Variants in GULP1 observed in about 807,000 individuals in gnomAD.
GULP1 encodes GULP PTB domain containing engulfment adaptor 1.
GULP1 carries 19 observed loss-of-function variants against 40.9 expected under a neutral mutation model. The ratio of observed to expected loss-of-function variants is 0.46; its 90% confidence interval spans 0.32 to 0.68. GULP1 has a LOEUF of 0.68. Ranked by LOEUF, GULP1 falls within the 30% of genes least tolerant of loss-of-function variation. The pLI, the probability that GULP1 is intolerant of heterozygous loss-of-function variation, is 0.03. For missense variants in GULP1, 312 were observed against 362.2 expected (o/e 0.86, Z 1.12); for synonymous variants, 119 against 117.6 (o/e 1.01, Z -0.08).
At chr2:188,332,556 C>A (rs200346591) in intron 1 of GULP1, among the ~76,000 whole-genome samples, 1 of 152,060 alleles carries the variant, frequency 6.6e-6, no homozygotes, top group East Asian at 1.9e-4. Context: ...GAAAGAAAAA[C>A]CTGTGTACCT....
intron 1 of GULP1, among the ~76,000 whole-genome samples, chr2:188,365,485 A>C (rs913558047): frequency 3.3e-5 from 5 of 152,192 alleles, no homozygotes; most frequent in African/African-American, 1.2e-4. Flanking sequence ...GCTGTGAAAT[A>C]TACCTGGTTG....
intron 1 of GULP1, among the ~76,000 whole-genome samples, chr2:188,369,825 T>C (rs1432497142): frequency 6.6e-6 from 1 of 152,162 alleles, no homozygotes; most frequent in Non-Finnish European, 1.5e-5. Context: ...TATTCTTGGT[T>C]CAGGTAATTC....
At chr2:188,569,611 G>A (rs920193735) in intron 8 of GULP1, 10 of 432,252 alleles carry the variant, frequency 2.3e-5, no homozygotes, top group African/African-American at 1.8e-4. Context: ...TGCTTCTCAT[G>A]GGGATCAGAG....
intron 1 of GULP1, among the ~76,000 whole-genome samples, chr2:188,318,435 G>A (rs141654261): frequency 3.5e-4 from 54 of 152,256 alleles, no homozygotes; most frequent in African/African-American, 1.3e-3. Context: ...ATGGTGTGCT[G>A]ATGGTATTCA....
rs914596673 is a variant in GULP1 at position 188,499,549 on chromosome 2, T to C, written c.90+16057T>C. ...ACTACCTTACATATATTTATGCTTT[T>C]ACATTCCAGGGAAGTAGTCAGAACT... On this transcript the variant is annotated intron_variant, in intron 4 of 11. Coordinates refer to ENST00000409830, the MANE Select transcript of GULP1 (RefSeq NM_016315.4). Among the ~76,000 whole-genome samples the C allele has an allele frequency of 5.9e-5, 9 of 151,890 alleles. No individual in the cohort carries two copies. The East Asian group carries it at 1.4e-3, about 23-fold the overall frequency.
intron 2 of GULP1, among the ~76,000 whole-genome samples, chr2:188,392,254 T>C (rs978524916): frequency 6.6e-6 from 1 of 152,030 alleles, no homozygotes; most frequent in Non-Finnish European, 1.5e-5. Context: ...TGGCAGTTTT[T>C]GTTTGTTATG....
At chr2:188,406,301 C>A (rs900377151) in intron 2 of GULP1, among the ~76,000 whole-genome samples, 2 of 152,122 alleles carry the variant, frequency 1.3e-5, no homozygotes, top group Admixed American at 6.5e-5. Context: ...ATTTGTGTAT[C>A]TAAATACAGA....
At chr2:188,486,373 A>G (rs2061861498) in intron 4 of GULP1, among the ~76,000 whole-genome samples, 2 of 151,884 alleles carry the variant, frequency 1.3e-5, no homozygotes, top group South Asian at 4.2e-4. Flanking sequence ...AAAAATATCT[A>G]TTTTCATCCT....
intron 4 of GULP1, among the ~76,000 whole-genome samples, chr2:188,500,470 A>T (rs1436572845): frequency 6.6e-6 from 1 of 151,940 alleles, no homozygotes; most frequent in African/African-American, 2.4e-5. Context: ...AATAAGCATC[A>T]AAATTGCTCA....
At chr2:188,581,516 C>T (rs1701326675) in intron 9 of GULP1, among the ~76,000 whole-genome samples, 1 of 152,178 alleles carries the variant, frequency 6.6e-6, no homozygotes, top group Non-Finnish European at 1.5e-5. Flanking sequence ...TGACATCTGG[C>T]AGCTCAGCTC....
chr2:188,534,069 G>A (rs896773880), intron 6 of GULP1, among the ~76,000 whole-genome samples: 1 of 152,200 alleles, frequency 6.6e-6, no homozygotes, highest in South Asian at 2.1e-4. Context: ...AGAGCAGTTG[G>A]AGATTTCTCA....
intron 2 of GULP1, among the ~76,000 whole-genome samples, chr2:188,450,082 ATGT>A (rs1346383758): frequency 2.6e-5 from 4 of 152,190 alleles, no homozygotes; most frequent in Non-Finnish European, 5.9e-5. Context: ...AATATTAATA[ATGT>A]ACATGATATG....
At chr2:188,540,407 C>T (rs1231861162) in intron 6 of GULP1, among the ~76,000 whole-genome samples, 2 of 145,148 alleles carry the variant, frequency 1.4e-5, no homozygotes, top group Non-Finnish European at 3.0e-5. Flanking sequence ...ATGTATATAC[C>T]TTCTATTTTA....
At chr2:188,498,196 C>T in intron 4 of GULP1, among the ~76,000 whole-genome samples, 1 of 151,886 alleles carries the variant, frequency 6.6e-6, no homozygotes, top group East Asian at 1.9e-4. Flanking sequence ...CAGAACTTGA[C>T]ACTAAATTAG....
chr2:188,576,075 C>G (rs1382389957), intron 9 of GULP1, among the ~76,000 whole-genome samples: 3 of 151,994 alleles, frequency 2.0e-5, no homozygotes, highest in Non-Finnish European at 4.4e-5. Flanking sequence ...GAAGTGATGC[C>G]ATTTTCTGAA....
intron 1 of GULP1, among the ~76,000 whole-genome samples, chr2:188,336,625 C>A (rs1173866441): frequency 2.6e-5 from 4 of 152,018 alleles, no homozygotes; most frequent in African/African-American, 9.7e-5. Flanking sequence ...TGGGAGACAT[C>A]CATGGATGAG....
At chr2:188,442,184 T>A (rs1472910123) in intron 2 of GULP1, among the ~76,000 whole-genome samples, 1 of 152,222 alleles carries the variant, frequency 6.6e-6, no homozygotes, top group African/African-American at 2.4e-5. Context: ...AAAATAAATT[T>A]TCTTCCATTT....
intron 2 of GULP1, among the ~76,000 whole-genome samples, chr2:188,400,046 C>A (rs936031118): frequency 6.6e-6 from 1 of 152,040 alleles, no homozygotes; most frequent in Non-Finnish European, 1.5e-5. Context: ...CTTAAAACAA[C>A]AAAAATTCAT....
intron 1 of GULP1, among the ~76,000 whole-genome samples, chr2:188,352,466 G>A (rs961718816): frequency 3.3e-5 from 5 of 152,078 alleles, no homozygotes; most frequent in Non-Finnish European, 4.4e-5. Flanking sequence ...TACTCAGACT[G>A]AAACTACGCC....
Sources: gnomAD v4.1 joint callset for allele counts (sites outside exome capture counted in the v4.1 genomes callset) on GRCh38, gnomAD v4.1.1 for gene constraint, MANE v1.5 for transcripts, NCBI Gene and HGNC (gene_info 2026-07-23, HGNC 2026-07-21) for gene names.